The following AREL1 variants were observed in gnomAD, a reference collection of about 807,000 sequenced individuals.
AREL1 encodes apoptosis resistant E3 ubiquitin protein ligase 1, also known as apoptosis-resistant E3 ubiquitin protein ligase 1.
AREL1 carries 62 observed loss-of-function variants against 99.0 expected under a neutral mutation model. That is an observed-to-expected ratio of 0.63 (90% CI 0.51 to 0.77). The LOEUF is 0.77. AREL1 is among the 30% of genes least tolerant of loss of function. The pLI is 0.00. For synonymous variants in AREL1, 380 were observed against 376.5 expected (o/e 1.01, Z -0.11); for missense variants, 879 against 1,027.6 (o/e 0.86, Z 1.98).
intron 11 of AREL1, 46 bp from the exon 12 acceptor site, chr14:74,671,529 GTCC>G (rs1377362067): frequency 7.4e-7 from 1 of 1,344,768 alleles, no homozygotes; most frequent in Non-Finnish European, 1.0e-6. Flanking sequence ...ACTGGCTGGT[GTCC>G]TCTGGATGTT....
At chr14:74,670,936 G>T in intron 12 of AREL1, 65 bp from the exon 13 acceptor site, 4 of 1,320,114 alleles carry the variant, frequency 3.0e-6, no homozygotes, top group South Asian at 1.2e-5. Flanking sequence ...TTTGTTTATT[G>T]AGTCATCATT....
intron 1 of AREL1, among the ~76,000 whole-genome samples, chr14:74,696,919 G>A (rs1266644902): frequency 6.6e-6 from 1 of 152,122 alleles, no homozygotes; most frequent in Admixed American, 6.5e-5. Context: ...AGCCAAGATT[G>A]CGCCACTGCA....
At chr14:74,670,511 T>C (rs752057796) in intron 13 of AREL1, 72 of 435,486 alleles carry the variant, frequency 1.7e-4, no homozygotes, top group Non-Finnish European at 2.7e-4. Flanking sequence ...TTATAATAAT[T>C]AGTAGAGTAG....
chr14:74,676,578 C>T lies in AREL1; in HGVS notation c.651+5G>A. The T allele has an allele frequency of 6.2e-7, 1 of 1,612,082 alleles. No individual in the cohort carries two copies. The highest frequency in any genetic ancestry group is 8.5e-7 in the Non-Finnish European group (1 of 1,179,302). On this transcript the variant is annotated splice_donor_5th_base_variant and intron_variant, in intron 6 of 19. Transcript: ENST00000356357. ...GCACACAGATAAAGAAGGGAGACTGCTTACCTCATGAATGGACAAGGTGTA... is the reference window on the plus strand; with the variant it reads ...GCACACAGATAAAGAAGGGAGACTGTTTACCTCATGAATGGACAAGGTGTA...
chr14:74,704,160 T>C (rs1473203545), intron 1 of AREL1, among the ~76,000 whole-genome samples: 1 of 152,222 alleles, frequency 6.6e-6, no homozygotes, highest in Admixed American at 6.5e-5. Flanking sequence ...TTTTCTTTTT[T>C]AAAAATCGAG....
intron 8 of AREL1, 47 bp from the exon 9 acceptor site, chr14:74,674,158 G>A (rs1375777860): frequency 1.3e-6 from 2 of 1,487,630 alleles, no homozygotes; most frequent in Non-Finnish European, 1.9e-6. Flanking sequence ...AAATAAAAAG[G>A]CTCTATTTGG....
At chr14:74,711,579 T>A (rs571447274) in intron 1 of AREL1, among the ~76,000 whole-genome samples, 1 of 152,028 alleles carries the variant, frequency 6.6e-6, no homozygotes, top group African/African-American at 2.4e-5. Context: ...AAAATTGGCA[T>A]AAAATTCCAA....
rs1305990794 is a variant in AREL1, at chr14:74,702,727, A to AT, written c.-334+10205dup. Among the ~76,000 whole-genome samples, 8 of 152,240 alleles carry AT rather than the reference A, an allele frequency of 5.3e-5. No homozygotes were observed. The East Asian group carries it at 1.5e-3, about 29-fold the overall frequency. On this transcript the variant is annotated intron_variant, in intron 1 of 19. Coordinates refer to ENST00000356357, the MANE Select transcript of AREL1 (RefSeq NM_001039479.2). ...TTCTATCGCCACTGTCAGGCTGCAAATTTTCCAAACTTTTATGCTCTGCTT... is the reference window on the plus strand; with the variant it reads ...TTCTATCGCCACTGTCAGGCTGCAAATTTTTCCAAACTTTTATGCTCTGCTT...
At chr14:74,669,462 A>G (rs2089281192) in intron 15 of AREL1, among the ~76,000 whole-genome samples, 187 bp downstream of exon 15, 1 of 152,352 alleles carries the variant, frequency 6.6e-6, no homozygotes, top group Non-Finnish European at 1.5e-5. Flanking sequence ...CTGCTAGCCA[A>G]GTGTAGTTAT....
intron 5 of AREL1, among the ~76,000 whole-genome samples, chr14:74,677,368 A>G (rs2089510129): frequency 6.6e-6 from 1 of 151,846 alleles, no homozygotes; most frequent in Non-Finnish European, 1.5e-5. Flanking sequence ...ATGGTGGTTC[A>G]TGCCTGTGTC....
Position 74,661,563 on chromosome 14 carries a change from T to G in AREL1, c.*2157A>C, listed in dbSNP as rs1382781858. 1 of 236,846 alleles carries G rather than the reference T, an allele frequency of 4.2e-6. No homozygotes were observed. Among genetic ancestry groups the G allele is most frequent in the African/African-American group, 2.3e-5 (1 of 42,902 alleles). 14.7% of individuals were successfully genotyped at this position (236,846 alleles called of 1,614,324 possible). On this transcript the variant is annotated 3_prime_UTR_variant, in exon 20 of 20. Coordinates refer to ENST00000356357, the MANE Select transcript of AREL1 (RefSeq NM_001039479.2). ...AACACTCTCTCATCTCTTTGACATA[T>G]TGTACCTTTTCCCCACACTGGCTAG...
intron 1 of AREL1, chr14:74,698,999 G>A (rs575970354): frequency 2.5e-4 from 38 of 153,952 alleles, no homozygotes; most frequent in South Asian, 7.4e-4. Context: ...ACTTCAGACC[G>A]TGTGAAGAGC....
intron 17 of AREL1, among the ~76,000 whole-genome samples, chr14:74,665,879 T>C (rs2089199446): frequency 6.6e-6 from 1 of 152,232 alleles, no homozygotes; most frequent in Non-Finnish European, 1.5e-5. Context: ...CTTGCTAAGC[T>C]GACCAGGAAC....
intron 5 of AREL1, among the ~76,000 whole-genome samples, chr14:74,681,837 C>CT (rs1224958890): frequency 6.7e-6 from 1 of 148,854 alleles, no homozygotes; most frequent in Non-Finnish European, 1.5e-5. Context: ...AAAAGGGCAA[C>CT]ATAAGGGATC....
At position 74,672,826 on chromosome 14, in the gene AREL1, C is replaced by G; in HGVS notation, c.1422+5G>C. The G allele has an allele frequency of 6.2e-7, 1 of 1,614,048 alleles. No individual in the cohort carries two copies. The highest frequency in any genetic ancestry group is 8.5e-7 in the Non-Finnish European group (1 of 1,179,970). On this transcript the variant is annotated splice_donor_5th_base_variant and intron_variant, in intron 11 of 19. Transcript: ENST00000356357. ...ATCTGCTGACAGAGATGAAATTTTA[C>G]CTACCGATTCCAACAAGGCATGTCT... is the stretch of plus-strand genomic sequence containing the variant.
intron 1 of AREL1, among the ~76,000 whole-genome samples, chr14:74,693,431 T>G (rs909947318): frequency 9.2e-5 from 14 of 152,116 alleles, no homozygotes; most frequent in Admixed American, 3.3e-4. Context: ...GAACCAAAAA[T>G]GTAGCAGAAA....
At chr14:74,696,940 G>A (rs1292661012) in intron 1 of AREL1, among the ~76,000 whole-genome samples, 1 of 151,866 alleles carries the variant, frequency 6.6e-6, no homozygotes, top group East Asian at 1.9e-4. Flanking sequence ...CTCCATCCTG[G>A]GTGACAAAGC....
At chr14:74,673,927 T>G in intron 9 of AREL1, 107 bp downstream of exon 9, 5 of 899,836 alleles carry the variant, frequency 5.6e-6, no homozygotes, top group Non-Finnish European at 7.0e-6. Flanking sequence ...GTGTACACTG[T>G]GAGATCTTGC....
intron 15 of AREL1, among the ~76,000 whole-genome samples, chr14:74,668,076 T>C (rs1263706161): frequency 2.6e-5 from 4 of 152,238 alleles, no homozygotes; most frequent in Non-Finnish European, 5.9e-5. Context: ...CACAGTTTGA[T>C]ACTTGAAGAT....
Sources: gnomAD v4.1 joint callset for allele counts (sites outside exome capture counted in the v4.1 genomes callset) on GRCh38, gnomAD v4.1.1 for gene constraint, MANE v1.5 for transcripts, NCBI Gene and HGNC (gene_info 2026-07-23, HGNC 2026-07-21) for gene names.